The following ABCC4 variants were observed in gnomAD, a reference collection of about 807,000 sequenced individuals.
The protein encoded by ABCC4 is ATP binding cassette subfamily C member 4 (PEL blood group), also known as ATP-binding cassette sub-family C member 4.
A neutral mutation model predicts 168.5 loss-of-function variants in ABCC4; 102 were observed. The ratio of observed to expected loss-of-function variants is 0.61; its 90% CI spans 0.52 to 0.71. The LOEUF is 0.71. ABCC4 is among the 30% of genes least tolerant of loss of function. The pLI, the probability that ABCC4 is intolerant of heterozygous loss-of-function variation, is 0.00. For synonymous variants in ABCC4, 617 were observed against 590.7 expected (o/e 1.04, Z -0.65); for missense variants, 1,402 against 1,605.8 (o/e 0.87, Z 2.17).
intron 27 of ABCC4, among the ~76,000 whole-genome samples, chr13:95,047,876 T>C (rs923878491): frequency 6.6e-6 from 1 of 152,208 alleles, no homozygotes. Context: ...ATATTACATA[T>C]GCATTTTCTT....
At chr13:95,197,172 G>A (rs999575463) in intron 8 of ABCC4, among the ~76,000 whole-genome samples, 12 of 152,144 alleles carry the variant, frequency 7.9e-5, no homozygotes, top group Non-Finnish European at 1.8e-4. Flanking sequence ...CACTGCACAC[G>A]GGGTCAGCTC....
chr13:95,068,140 C>T (rs1002619721), intron 25 of ABCC4, among the ~76,000 whole-genome samples: 1 of 152,180 alleles, frequency 6.6e-6, no homozygotes, highest in Admixed American at 6.5e-5. Flanking sequence ...CCTACATCTC[C>T]ACTGGAAACA....
rs748197778 is a variant in ABCC4 at position 95,301,306 on chromosome 13, G to C, written c.9C>G (p.Pro3=). Residue 3 remains proline (P), a synonymous_variant, in exon 1 of 31, where the codon CCC becomes CCG. Coordinates refer to ENST00000645237, the MANE Select transcript of ABCC4 (RefSeq NM_005845.5). Reference sequence around the variant, plus strand: ...GGTTGGGCTTCACCTCCTGGTACACGGGCAGCATCTTGCCGGGCGGGGCGG... The same window carrying C: ...GGTTGGGCTTCACCTCCTGGTACACCGGCAGCATCTTGCCGGGCGGGGCGG... The part of the protein sequence containing the change: ML[P]VYQEVKPNPL... 27 of 1,593,174 alleles carry C rather than the reference G, an allele frequency of 1.7e-5. No individual in the cohort carries two copies. Among genetic ancestry groups the C allele is most frequent in the South Asian group, 3.4e-5 (3 of 88,278 alleles).
chr13:95,109,758 T>G (rs1419331024), intron 20 of ABCC4, among the ~76,000 whole-genome samples: 1 of 152,184 alleles, frequency 6.6e-6, no homozygotes, highest in African/African-American at 2.4e-5. Flanking sequence ...GTAAGTCTTA[T>G]CACACAGCAT....
intron 4 of ABCC4, among the ~76,000 whole-genome samples, chr13:95,221,429 A>C (rs1476855512): frequency 6.6e-6 from 1 of 152,082 alleles, no homozygotes; most frequent in Non-Finnish European, 1.5e-5. Flanking sequence ...GGGTTTCACT[A>C]TGTTGCCCAG....
chr13:95,130,112 G>T (rs2035911467), intron 19 of ABCC4, among the ~76,000 whole-genome samples: 1 of 150,084 alleles, frequency 6.7e-6, no homozygotes, highest in Admixed American at 6.7e-5. Context: ...AAACTTAACA[G>T]AAAACTTATC....
chr13:95,198,139 A>T (rs1199315990), intron 8 of ABCC4, among the ~76,000 whole-genome samples: 1 of 152,222 alleles, frequency 6.6e-6, no homozygotes, highest in African/African-American at 2.4e-5. Context: ...GAGCTTCTCC[A>T]CAGCAAAAGA....
chr13:95,229,676 G>A (rs1266093529), intron 4 of ABCC4, among the ~76,000 whole-genome samples: 1 of 152,220 alleles, frequency 6.6e-6, no homozygotes, highest in Non-Finnish European at 1.5e-5. Context: ...AAGCTGGGAT[G>A]ACAAGCCCAT....
intron 19 of ABCC4, among the ~76,000 whole-genome samples, chr13:95,150,795 T>A (rs1276403272): frequency 1.3e-5 from 2 of 152,202 alleles, no homozygotes; most frequent in African/African-American, 4.8e-5. Context: ...TTTCCTAAGC[T>A]GAGCTGTAGC....
At chr13:95,078,871 A>G (rs557513620) in intron 21 of ABCC4, among the ~76,000 whole-genome samples, 1 of 152,254 alleles carries the variant, frequency 6.6e-6, no homozygotes, top group African/African-American at 2.4e-5. Flanking sequence ...GAAATTCTTC[A>G]ACATAGCTAT....
intron 4 of ABCC4, among the ~76,000 whole-genome samples, chr13:95,225,522 T>A (rs144857580): frequency 6.6e-6 from 1 of 151,764 alleles, no homozygotes. Flanking sequence ...ATACAAAAAT[T>A]AGTCGGGTGC....
intron 9 of ABCC4, among the ~76,000 whole-genome samples, chr13:95,193,997 A>G (rs1010360184): frequency 2.6e-5 from 4 of 152,138 alleles, no homozygotes; most frequent in Non-Finnish European, 4.4e-5. Context: ...TCCACTCACA[A>G]TACAGCCTTT....
At chr13:95,157,294 T>A (rs1488710604) in intron 19 of ABCC4, among the ~76,000 whole-genome samples, 1 of 149,042 alleles carries the variant, frequency 6.7e-6, no homozygotes, top group Non-Finnish European at 1.5e-5. Context: ...GCTATCTCAG[T>A]ACCAATAGGA....
chr13:95,186,703 T>C lies in ABCC4; in HGVS notation c.1543A>G (p.Lys515Glu). Reference sequence around the variant, plus strand: ...GAAATCCAAAAGTCATCACTCACCTTTTTCAGAGCACAAGCCTTTATGACT... The same window carrying C: ...GAAATCCAAAAGTCATCACTCACCTCTTTCAGAGCACAAGCCTTTATGACT... ...EKVIKACALK[K>E]DLQLLEDGDL... is the part of the protein sequence containing the mutation. The change falls in exon 11 of 31, where the codon AAG becomes GAG. Residue 515 changes from lysine (K) to glutamate (E), a missense_variant and splice_region_variant. Physicochemically the swap from Lys to Glu is moderately conservative, Grantham distance 56. Around this residue, in one of 3 missense-constraint regions of ABCC4, gnomAD observed 1,007 missense variants for 1,127.3 expected, o/e 0.89. Transcript: ENST00000645237. The C allele has an allele frequency of 6.2e-7, 1 of 1,612,802 alleles. No homozygotes were observed. The highest frequency in any genetic ancestry group is 8.5e-7 in the Non-Finnish European group (1 of 1,179,272).
intron 21 of ABCC4, among the ~76,000 whole-genome samples, chr13:95,082,852 A>G (rs892637135): frequency 7.2e-5 from 11 of 152,342 alleles, no homozygotes; most frequent in African/African-American, 2.4e-4. Context: ...TGTCATAAAC[A>G]AGACACGGAG....
At position 95,165,835 on chromosome 13, in the gene ABCC4, CACCAGACTA is replaced by C. The variant is rs2037253379; in HGVS notation, c.2034+314_2034+322del. On this transcript the variant is annotated intron_variant, in intron 15 of 30. Coordinates refer to ENST00000645237, the MANE Select transcript of ABCC4 (RefSeq NM_005845.5). ...CCAGATGCAAAGAGAAGTCGGGGGCCACCAGACTAAGTAGGATTTCACTACAGTAAATTC... is the reference window on the plus strand; with the variant it reads ...CCAGATGCAAAGAGAAGTCGGGGGCCAGTAGGATTTCACTACAGTAAATTC... Among the ~76,000 whole-genome samples the C allele has an allele frequency of 4.6e-5, 7 of 152,254 alleles. No homozygotes were observed. In the South Asian group the frequency reaches 1.5e-3, roughly 32 times the overall value.
intron 11 of ABCC4, among the ~76,000 whole-genome samples, chr13:95,182,913 C>T (rs1234134207): frequency 6.6e-6 from 1 of 152,138 alleles, no homozygotes. Context: ...TAAAGCAATA[C>T]TGCTAAATGT....
chr13:95,083,008 A>G (rs2034145663), intron 21 of ABCC4, 132 bp downstream of exon 21: 2 of 1,011,018 alleles, frequency 2.0e-6, no homozygotes, highest in Non-Finnish European at 2.9e-6. Context: ...ATAATGGCCA[A>G]TACGTTCAAT....
intron 1 of ABCC4, among the ~76,000 whole-genome samples, chr13:95,251,325 A>G (rs2040253203): frequency 6.6e-6 from 1 of 151,814 alleles, no homozygotes; most frequent in African/African-American, 2.4e-5. Context: ...GGCCCTTTCT[A>G]TTTCTCTTCT....
Sources: allele counts gnomAD v4.1 joint callset (sites outside exome capture counted in the v4.1 genomes callset), GRCh38; gene constraint gnomAD v4.1.1; regional missense constraint gnomAD v4.1.1; transcripts MANE v1.5; gene names NCBI Gene and HGNC (gene_info 2026-07-23, HGNC 2026-07-21).